The following HDLBP variants were observed in gnomAD, a reference collection of about 807,000 sequenced individuals.
HDLBP encodes high density lipoprotein binding protein.
A neutral mutation model predicts 137.3 loss-of-function variants in HDLBP; 30 were observed. The ratio of observed to expected loss-of-function variants is 0.22; its 90% confidence interval spans 0.16 to 0.30. HDLBP has a LOEUF of 0.30. Ranked by LOEUF, HDLBP falls within the 10% of genes least tolerant of loss-of-function variation. The pLI, the probability that HDLBP is intolerant of heterozygous loss-of-function variation, is 1.00. For synonymous variants in HDLBP, 606 were observed against 596.0 expected (o/e 1.02, Z -0.24); for missense variants, 1,119 against 1,667.3 (o/e 0.67, Z 5.73).
chr2:241,285,525 C>T (rs1471239297), intron 1 of HDLBP, among the ~76,000 whole-genome samples: 1 of 152,182 alleles, frequency 6.6e-6, no homozygotes, highest in East Asian at 1.9e-4. Flanking sequence ...AGCAGAGTGC[C>T]TTCTAGTGTG....
At chr2:241,283,093 G>A (rs889303080) in intron 1 of HDLBP, among the ~76,000 whole-genome samples, 1 of 152,218 alleles carries the variant, frequency 6.6e-6, no homozygotes, top group Non-Finnish European at 1.5e-5. Context: ...GTAAGAGAGC[G>A]AAACAGCCTT....
chr2:241,267,229 A>C (rs1301318736), intron 2 of HDLBP, among the ~76,000 whole-genome samples: 1 of 152,010 alleles, frequency 6.6e-6, no homozygotes, highest in African/African-American at 2.4e-5. Context: ...ACAAAACAAA[A>C]CAAACAAAAA....
At chr2:241,285,690 A>G (rs926827625) in intron 1 of HDLBP, among the ~76,000 whole-genome samples, 1 of 152,232 alleles carries the variant, frequency 6.6e-6, no homozygotes, top group Admixed American at 6.5e-5. Context: ...TTATCTATGG[A>G]TATTAAATTT....
chr2:241,236,758 C>T lies in HDLBP; in HGVS notation c.2761G>A (p.Glu921Lys). 6.2e-7 allele frequency: 1 copy of T among 1,614,170 alleles called. No individual in the cohort carries two copies. Among genetic ancestry groups the T allele is most frequent in the South Asian group, 1.1e-5 (1 of 91,076 alleles). ...DREENAVHST[E>K]PVVQENGDEA... is the part of the protein sequence containing the mutation. The stretch of plus-strand genomic sequence containing the variant: ...TCCCCATTCTCCTGGACAACTGGCT[C>T]TGTACTGTGAACTAGAGAGAAAGGG... The change falls in exon 21 of 28, where the codon GAG becomes AAG. Residue 921 changes from glutamate to lysine, a missense_variant. Coordinates refer to ENST00000310931, the MANE Select transcript of HDLBP (RefSeq NM_005336.6).
Position 241,254,137 on chromosome 2 carries a change from C to A in HDLBP, c.1189-640G>T, listed in dbSNP as rs1483792102. Among the ~76,000 whole-genome samples, 11 of 152,188 alleles carry A rather than the reference C, an allele frequency of 7.2e-5. 1 individual carries two copies. The South Asian group carries it at 2.3e-3, about 32-fold the overall frequency. On this transcript the variant is annotated intron_variant, in intron 9 of 27. Transcript: ENST00000310931. ...TGCCTCCACGAAAACTAGCCTGGGG[C>A]GCCTGTAGTGCCAGCTACTTGGGAA...
chr2:241,268,351 C>T (rs1001729674), intron 2 of HDLBP, 126 bp downstream of exon 2: 7 of 539,826 alleles, frequency 1.3e-5, no homozygotes, highest in Admixed American at 6.4e-5. Context: ...TGACGAACCA[C>T]GAGAAACTTG....
chr2:241,310,717 G>A (rs772405127), intron 1 of HDLBP, among the ~76,000 whole-genome samples: 3 of 152,178 alleles, frequency 2.0e-5, no homozygotes, highest in South Asian at 2.1e-4. Flanking sequence ...AATGCCCAGC[G>A]TTGAAGAACA....
chr2:241,247,343 C>G, intron 14 of HDLBP: 1 of 587,316 alleles, frequency 1.7e-6, no homozygotes, highest in Non-Finnish European at 3.1e-6. Flanking sequence ...TCAATCGATG[C>G]AAGTCTACTT....
At chr2:241,313,412 T>C (rs2075816973) in intron 1 of HDLBP, among the ~76,000 whole-genome samples, 1 of 152,138 alleles carries the variant, frequency 6.6e-6, no homozygotes, top group South Asian at 2.1e-4. Flanking sequence ...CTTGAGCAGC[T>C]GGGATTACAG....
rs1482451170 is a variant in HDLBP, at chr2:241,229,645, C to T, written c.3763G>A (p.Ala1255Thr). 2.5e-6 allele frequency: 4 copies of T among 1,614,130 alleles called. No individual in the cohort carries two copies. Among genetic ancestry groups the T allele is most frequent in the Admixed American group, 3.3e-5 (2 of 60,018 alleles). Reference sequence around the variant, plus strand: ...GGGAGGGTCTTGGGAGCCACCTGAGCCCCAAAGCTGGGAAATTCCTCAGAG... The same window carrying T: ...GGGAGGGTCTTGGGAGCCACCTGAGTCCCAAAGCTGGGAAATTCCTCAGAG... ...SSSEEFPSFG[A>T]QVAPKTLPWG... Residue 1255 changes from alanine (A) to threonine (T), a missense_variant, in exon 28 of 28, where the codon GCT (alanine) becomes ACT (threonine). Coordinates refer to ENST00000310931, the MANE Select transcript of HDLBP (RefSeq NM_005336.6).
Position 241,262,941 on chromosome 2 carries a change from TC to T in HDLBP, c.235-16del. 6.3e-7 allele frequency: 1 copy of T among 1,593,942 alleles called. No individual in the cohort carries two copies. Among genetic ancestry groups the T allele is most frequent in the Non-Finnish European group, 8.6e-7 (1 of 1,163,384 alleles). ...ACATGGAACACCTGCTCAAAAAAGA[TC>T]AAAAAAGGAAAGGTTAAGAGATTAA... is the stretch of plus-strand genomic sequence containing the variant. On this transcript the variant is annotated splice_polypyrimidine_tract_variant and intron_variant, in intron 4 of 27. Coordinates refer to ENST00000310931, the MANE Select transcript of HDLBP (RefSeq NM_005336.6).
chr2:241,268,627 C>A, intron 1 of HDLBP, 86 bp from the exon 2 acceptor site: 1 of 397,674 alleles, frequency 2.5e-6, no homozygotes, highest in Non-Finnish European at 3.4e-6. Flanking sequence ...GATCTTTTTA[C>A]CTCAAAATCA....
chr2:241,298,785 C>T (rs2075283505), intron 1 of HDLBP, among the ~76,000 whole-genome samples: 1 of 152,126 alleles, frequency 6.6e-6, no homozygotes, highest in South Asian at 2.1e-4. Context: ...GCCAGAGGCG[C>T]AAAACCTAGA....
chr2:241,290,649 A>G (rs2074985150), intron 1 of HDLBP, among the ~76,000 whole-genome samples: 1 of 152,118 alleles, frequency 6.6e-6, no homozygotes, highest in African/African-American at 2.4e-5. Context: ...AACTCTAAAA[A>G]TAAAACGTTC....
Position 241,242,606 on chromosome 2 carries a change from G to A in HDLBP, c.2023C>T (p.Leu675=). The change falls in exon 17 of 28, where the codon CTG becomes TTG. Residue 675 remains leucine (L), a synonymous_variant. Transcript: ENST00000310931. Reference sequence around the variant, plus strand: ...CACTCCTCCATGATGGAGCGGATCAGACGGCCCTTGGTGCCAATGAGGGAG... The same window carrying A: ...CACTCCTCCATGATGGAGCGGATCAAACGGCCCTTGGTGCCAATGAGGGAG... ...HNSLIGTKGR[L]IRSIMEECGG... is the part of the protein sequence containing the mutation. 6.2e-7 allele frequency: 1 copy of A among 1,614,254 alleles called. No homozygotes were observed. Among genetic ancestry groups the A allele is most frequent in the Non-Finnish European group, 8.5e-7 (1 of 1,180,044 alleles).
At chr2:241,241,797 T>A (rs1421669039) in intron 17 of HDLBP, among the ~76,000 whole-genome samples, 1 of 152,008 alleles carries the variant, frequency 6.6e-6, no homozygotes, top group Non-Finnish European at 1.5e-5. Flanking sequence ...CTAAAAATTA[T>A]AAAACACCAA....
At position 241,266,513 on chromosome 2, in the gene HDLBP, T is replaced by C. The variant is rs146507367; in HGVS notation, c.76+281A>G. ...TTTACCACAATTAGGAAAAAGCAGT[T>C]TTGAAAAGGACTGCATTAATTACCA... On this transcript the variant is annotated intron_variant, in intron 3 of 27. Coordinates refer to ENST00000310931, the MANE Select transcript of HDLBP (RefSeq NM_005336.6). The C allele has an allele frequency of 2.8e-3, 1,066 of 384,566 alleles. 19 individuals carry two copies. Among genetic ancestry groups the C allele is most frequent in the African/African-American group, 0.019 (958 of 49,240 alleles). The allele number at this position is 384,566 out of a possible 1,614,324, so 23.8% of individuals were successfully genotyped here.
rs573838972 is a variant in HDLBP, at chr2:241,237,477, A to C, written c.2750-708T>G. Among the ~76,000 whole-genome samples, 3 of 152,344 alleles carry C rather than the reference A, an allele frequency of 2.0e-5. No individual in the cohort carries two copies. The South Asian group carries it at 6.2e-4, about 32-fold the overall frequency. On this transcript the variant is annotated intron_variant, in intron 20 of 27. Transcript: ENST00000310931. ...CAGAACCCAGGAGGTGTGTGATGTA[A>C]ATAAATGAGCAGGAGACCAGACAGA...
chr2:241,301,568 T>C (rs186332167), intron 1 of HDLBP, among the ~76,000 whole-genome samples: 82 of 152,252 alleles, frequency 5.4e-4, no homozygotes, highest in Non-Finnish European at 9.1e-4. Flanking sequence ...TGTAATCATC[T>C]AATAATATAC....
Sources: allele counts gnomAD v4.1 joint callset (sites outside exome capture counted in the v4.1 genomes callset), GRCh38; gene constraint gnomAD v4.1.1; transcripts MANE v1.5; gene names NCBI Gene and HGNC (gene_info 2026-07-23, HGNC 2026-07-21).